KLHL32: variants seen among roughly 807,000 people sequenced by gnomAD.
KLHL32 encodes the protein kelch-like protein 32.
A neutral mutation model predicts 64.8 loss-of-function variants in KLHL32; 35 were observed. That is an observed-to-expected ratio of 0.54 (90% CI 0.41 to 0.72). The LOEUF is 0.72. Ranked by LOEUF, KLHL32 falls within the 30% of genes least tolerant of loss-of-function variation. KLHL32 has a pLI of 0.00. For missense variants in KLHL32, 589 were observed against 768.5 expected, an observed-to-expected ratio of 0.77 and a Z score of 2.76; for synonymous variants, 259 against 281.0, an observed-to-expected ratio of 0.92 and a Z score of 0.78.
chr6:96,936,747 G>T (rs906604519), intron 1 of KLHL32, among the ~76,000 whole-genome samples: 1 of 152,160 alleles, frequency 6.6e-6, no homozygotes, highest in African/African-American at 2.4e-5. Flanking sequence ...TAAAACTGCA[G>T]CAGCTTCCAT....
intron 3 of KLHL32, among the ~76,000 whole-genome samples, chr6:97,033,073 A>G (rs539420688): frequency 6.6e-6 from 1 of 152,250 alleles, no homozygotes; most frequent in South Asian, 2.1e-4. Flanking sequence ...ACAAAATATA[A>G]ATTTTACTAA....
rs367957659 is a variant in KLHL32, at chr6:97,127,475, T to C, written c.1413+13T>C. 19 of 1,595,276 alleles carry C rather than the reference T, an allele frequency of 1.2e-5. No individual in the cohort carries two copies. Among genetic ancestry groups the C allele is most frequent in the Middle Eastern group, 1.7e-4 (1 of 6,036 alleles). On this transcript the variant is annotated intron_variant, in intron 8 of 10. Transcript: ENST00000369261. ...TGAACCTAACCAGGTAAGAATCATG[T>C]AAGAACACCTCATTATCTTAATTAA... is the stretch of plus-strand genomic sequence containing the variant.
chr6:96,945,220 C>T (rs1166384896), intron 1 of KLHL32, among the ~76,000 whole-genome samples: 5 of 152,208 alleles, frequency 3.3e-5, no homozygotes, highest in African/African-American at 1.2e-4. Context: ...TGTGCCAGCC[C>T]TTTATGCTAA....
At chr6:97,114,559 A>G (rs1325310131) in intron 7 of KLHL32, 50 bp downstream of exon 7, 1 of 1,601,498 alleles carries the variant, frequency 6.2e-7, no homozygotes, top group African/African-American at 1.3e-5. Flanking sequence ...TCATTGTGGT[A>G]TATATTTAAA....
chr6:97,008,147 A>T (rs1199631590), intron 3 of KLHL32, among the ~76,000 whole-genome samples: 1 of 151,994 alleles, frequency 6.6e-6, no homozygotes, highest in Non-Finnish European at 1.5e-5. Context: ...TGGTGGTGGC[A>T]TGGGGTTGGG....
chr6:97,057,610 A>G (rs1175525909), intron 4 of KLHL32, among the ~76,000 whole-genome samples: 1 of 141,288 alleles, frequency 7.1e-6, no homozygotes, highest in African/African-American at 2.8e-5. Flanking sequence ...GTTGAGTGTT[A>G]AGATCTTGTT....
intron 3 of KLHL32, among the ~76,000 whole-genome samples, chr6:97,037,799 G>A (rs1467360577): frequency 6.6e-6 from 1 of 152,096 alleles, no homozygotes; most frequent in African/African-American, 2.4e-5. Flanking sequence ...AACTAAATTA[G>A]CCTGGTACTG....
At chr6:97,058,157 T>A (rs1424008919) in intron 4 of KLHL32, among the ~76,000 whole-genome samples, 1 of 151,440 alleles carries the variant, frequency 6.6e-6, no homozygotes, top group Non-Finnish European at 1.5e-5. Flanking sequence ...TAGTTTTTTT[T>A]AGTCTTGAAG....
At chr6:96,913,816 C>T in the KLHL32 span, among the ~76,000 whole-genome samples, 1 of 152,238 alleles carries the variant, frequency 6.6e-6, no homozygotes, top group South Asian at 2.1e-4. Flanking sequence ...TGGCACTGTC[C>T]CCTCCGTCAT....
chr6:97,096,221 C>T (rs184996400), intron 6 of KLHL32, among the ~76,000 whole-genome samples: 116 of 152,254 alleles, frequency 7.6e-4, no homozygotes, highest in African/African-American at 2.5e-3. Flanking sequence ...AGCCAACAGC[C>T]GTCCTGTCCT....
chr6:96,959,238 C>G (rs1029902153), intron 1 of KLHL32, among the ~76,000 whole-genome samples: 1 of 152,282 alleles, frequency 6.6e-6, no homozygotes, highest in African/African-American at 2.4e-5. Flanking sequence ...CCAGCTTTGT[C>G]TGAGCAGAGC....
intron 2 of KLHL32, among the ~76,000 whole-genome samples, chr6:96,973,847 T>C (rs1051113625): frequency 6.6e-6 from 1 of 151,674 alleles, no homozygotes; most frequent in South Asian, 2.1e-4. Context: ...CTCAGCCTCC[T>C]GAGTCGCTGG....
chr6:96,948,456 A>T lies in KLHL32; in HGVS notation c.-65-18540A>T, dbSNP rs182070952. ...GATGATTCCTGAGACCTACAGAAAA[A>T]TTTTGTGATGTAGGTGTGTCCTTAT... On this transcript the variant is annotated intron_variant, in intron 1 of 10. Coordinates refer to ENST00000369261, the MANE Select transcript of KLHL32 (RefSeq NM_052904.4). Among the ~76,000 whole-genome samples, 588 of 152,170 alleles carry T rather than the reference A, an allele frequency of 3.9e-3. 7 individuals carry two copies. Among genetic ancestry groups the T allele is most frequent in the African/African-American group, 0.013 (559 of 41,536 alleles).
chr6:97,009,046 T>A (rs6917306), intron 3 of KLHL32, among the ~76,000 whole-genome samples: 3 of 151,772 alleles, frequency 2.0e-5, no homozygotes, highest in Non-Finnish European at 2.9e-5. Context: ...TGGCTTTATA[T>A]CATTAAGTTT....
chr6:96,988,941 C>G (rs1396729829), intron 3 of KLHL32, among the ~76,000 whole-genome samples: 1 of 151,504 alleles, frequency 6.6e-6, no homozygotes, highest in South Asian at 2.1e-4. Flanking sequence ...ACATCACACA[C>G]TGGGGCCTGT....
chr6:96,900,356 C>T, the KLHL32 span, among the ~76,000 whole-genome samples: 5 of 152,094 alleles, frequency 3.3e-5, no homozygotes, highest in Non-Finnish European at 7.4e-5. Flanking sequence ...TATTCTGAAG[C>T]TCTGGTGAAT....
intron 3 of KLHL32, among the ~76,000 whole-genome samples, chr6:97,009,614 GT>G (rs1780114952): frequency 1.3e-5 from 2 of 152,270 alleles, no homozygotes; most frequent in Admixed American, 1.3e-4. Flanking sequence ...CTTTGTTGTT[GT>G]TGTTACATAC....
At chr6:97,029,314 G>A (rs1783174463) in intron 3 of KLHL32, among the ~76,000 whole-genome samples, 1 of 152,068 alleles carries the variant, frequency 6.6e-6, no homozygotes. Context: ...GTGAAATGCA[G>A]CTAGATCCTT....
chr6:96,909,365 C>T, the KLHL32 span, among the ~76,000 whole-genome samples: 5 of 152,186 alleles, frequency 3.3e-5, no homozygotes, highest in East Asian at 1.9e-4. Context: ...ATTTTTGGAC[C>T]TTCTTTCTGT....
Sources: gnomAD v4.1 joint callset for allele counts (sites outside exome capture counted in the v4.1 genomes callset) on GRCh38, gnomAD v4.1.1 for gene constraint, MANE v1.5 for transcripts, NCBI Gene and HGNC (gene_info 2026-07-23, HGNC 2026-07-21) for gene names.